RNF38: variants seen among roughly 807,000 people sequenced by gnomAD.
RNF38 encodes the protein E3 ubiquitin-protein ligase RNF38.
In RNF38, 15 loss-of-function variants were observed where a neutral mutation model predicts 67.2. The ratio of observed to expected loss-of-function variants is 0.22; its 90% confidence interval spans 0.15 to 0.34. The LOEUF (loss-of-function observed/expected upper bound fraction) is 0.34, where lower values mean the gene tolerates loss of function less well. RNF38 is among the 10% of genes least tolerant of loss of function. The pLI is 1.00. For missense variants in RNF38, 524 were observed against 639.9 expected, an observed-to-expected ratio of 0.82 and a Z score of 1.95; for synonymous variants, 220 against 218.8, an observed-to-expected ratio of 1.01 and a Z score of -0.05.
intron 2 of RNF38, among the ~76,000 whole-genome samples, chr9:36,419,788 C>G (rs144491529): frequency 0.011 from 1,692 of 152,246 alleles, 28 homozygotes; most frequent in African/African-American, 0.038. Flanking sequence ...CGCCACTGCA[C>G]CCCAGCCTGG....
intron 4 of RNF38, among the ~76,000 whole-genome samples, chr9:36,366,202 T>C (rs1169809990): frequency 2.0e-5 from 3 of 152,164 alleles, no homozygotes; most frequent in Non-Finnish European, 4.4e-5. Context: ...ATTTTTAGTA[T>C]GCATTTCTAA....
intron 1 of RNF38, among the ~76,000 whole-genome samples, chr9:36,398,425 A>C (rs1451900916): frequency 6.6e-6 from 1 of 152,166 alleles, no homozygotes; most frequent in Non-Finnish European, 1.5e-5. Flanking sequence ...ATTAAAAAAA[A>C]ATTTTTTTAA....
In RNF38 at chr9:36,443,637, T is replaced by C. The variant is rs531347409; in HGVS notation, n.242-18954A>G. 3.3e-5 allele frequency among the ~76,000 whole-genome samples: 5 copies of C among 151,932 alleles called. No homozygotes were observed. In the East Asian group the frequency reaches 9.7e-4, roughly 29 times the overall value. On this transcript the variant is annotated intron_variant and non_coding_transcript_variant, in intron 1 of 3. Transcript: ENST00000488058. ...AATTATTTCAAGCCATCAAACCATATAGACCAGAAAGCAACAAAAAGAATG... is the reference window on the plus strand; with the variant it reads ...AATTATTTCAAGCCATCAAACCATACAGACCAGAAAGCAACAAAAAGAATG...
intron 2 of RNF38, among the ~76,000 whole-genome samples, chr9:36,379,411 T>G (rs1476087608): frequency 1.7e-4 from 26 of 152,128 alleles, no homozygotes; most frequent in Admixed American, 1.7e-3. Flanking sequence ...AACATCAGAC[T>G]TCCTATAGCA....
rs1202944722 is a variant in RNF38, at chr9:36,357,782, G to C, written c.731C>G (p.Pro244Arg). The C allele has an allele frequency of 1.2e-5, 19 of 1,613,036 alleles. No individual in the cohort carries two copies. The highest frequency in any genetic ancestry group is 1.6e-5 in the Non-Finnish European group (19 of 1,179,438). ...SGQHLPVCSV[P>R]PPMLQACSVQ... Reference sequence around the variant, plus strand: ...ACAAAGATAGAGACTTACTGGAGGAGGCACACTACAGACAGGGAGGTGCTG... The same window carrying C: ...ACAAAGATAGAGACTTACTGGAGGACGCACACTACAGACAGGGAGGTGCTG... Residue 244 changes from proline to arginine, a missense_variant, in exon 5 of 12, where the codon CCT becomes CGT. Pro to Arg is a moderately radical substitution (Grantham distance 103). Coordinates refer to ENST00000259605, the MANE Select transcript of RNF38 (RefSeq NM_022781.5).
intron 2 of RNF38, among the ~76,000 whole-genome samples, chr9:36,424,257 G>C (rs1838712761): frequency 6.6e-6 from 1 of 152,148 alleles, no homozygotes; most frequent in Non-Finnish European, 1.5e-5. Context: ...TAATGTCCAG[G>C]ATATTTCCAA....
Position 36,474,663 on chromosome 9 carries a change from G to T in RNF38, n.241+12645C>A, listed in dbSNP as rs541013864. 8.1e-5 allele frequency among the ~76,000 whole-genome samples: 12 copies of T among 148,234 alleles called. 3 individuals carry two copies. The South Asian group carries it at 2.7e-3, about 33-fold the overall frequency. On this transcript the variant is annotated intron_variant and non_coding_transcript_variant, in intron 1 of 3. Transcript: ENST00000488058. ...TAAGTATAATATGAGTCCCTTAGGG[G>T]ACTGCAGTGAGGATTAAATGAATTA...
intron 1 of RNF38, among the ~76,000 whole-genome samples, chr9:36,483,992 A>G (rs530911287): frequency 1.6e-4 from 24 of 152,296 alleles, no homozygotes; most frequent in African/African-American, 5.8e-4. Context: ...AAAGAGGTAA[A>G]GTATCACGTG....
rs1564068039 is a variant in RNF38, at chr9:36,451,502, T to TGTTTGTTTG, written n.242-26820_242-26819insCAAACAAAC. 4.3e-4 allele frequency among the ~76,000 whole-genome samples: 58 copies of TGTTTGTTTG among 136,032 alleles called. 1 individual carries two copies. Among genetic ancestry groups the TGTTTGTTTG allele is most frequent in the African/African-American group, 1.6e-3 (55 of 34,696 alleles). The allele number at this position is 136,032 out of a possible 152,430, so 89.2% of individuals were successfully genotyped here. ...AAAAAATTGTAGTAGTTTTTTTTTTTTTTTTTTTTTTTTTTGAGACGGAGT... is the reference window on the plus strand; with the variant it reads ...AAAAAATTGTAGTAGTTTTTTTTTTTGTTTGTTTGTTTTTTTTTTTTTTTGAGACGGAGT... On this transcript the variant is annotated intron_variant and non_coding_transcript_variant, in intron 1 of 3. Coordinates refer to the RNF38 transcript ENST00000488058.
At chr9:36,471,908 A>G (rs1338027544) in intron 1 of RNF38, among the ~76,000 whole-genome samples, 1 of 152,208 alleles carries the variant, frequency 6.6e-6, no homozygotes, top group African/African-American at 2.4e-5. Flanking sequence ...ATTCACTTTA[A>G]AAAGTCAAAT....
intron 1 of RNF38, among the ~76,000 whole-genome samples, chr9:36,433,437 A>T (rs1400727685): frequency 6.6e-6 from 1 of 151,920 alleles, no homozygotes; most frequent in African/African-American, 2.4e-5. Flanking sequence ...AAATTTAAAA[A>T]TTTTTAAAAA....
chr9:36,389,375 G>A (rs1234075027), intron 2 of RNF38, among the ~76,000 whole-genome samples: 1 of 151,408 alleles, frequency 6.6e-6, no homozygotes, highest in Admixed American at 6.6e-5. Flanking sequence ...TTTTATTGGT[G>A]GCAGTATTAA....
chr9:36,480,738 G>A (rs1247838536), intron 1 of RNF38, among the ~76,000 whole-genome samples: 4 of 151,312 alleles, frequency 2.6e-5, no homozygotes, highest in Non-Finnish European at 4.4e-5. Context: ...TTTTAGTAAA[G>A]ACAGGGTTTC....
At chr9:36,450,498 A>T (rs999821898) in intron 1 of RNF38, among the ~76,000 whole-genome samples, 1 of 152,226 alleles carries the variant, frequency 6.6e-6, no homozygotes, top group Non-Finnish European at 1.5e-5. Flanking sequence ...TATAATAACT[A>T]AACTCATGCA....
At position 36,369,728 on chromosome 9, in the gene RNF38, T is replaced by C. The variant is rs760109205; in HGVS notation, c.561A>G (p.Ile187Met). 6.2e-7 allele frequency: 1 copy of C among 1,610,076 alleles called. No homozygotes were observed. ...PPQQNAVMVD[I>M]HDQLHQGTVP... is the part of the protein sequence containing the mutation. ...CATTCTGTTATTGTACCTGATCATG[T>C]ATGTCAACCATGACTGCATTCTGCT... is the stretch of plus-strand genomic sequence containing the variant. Residue 187 changes from isoleucine to methionine, a missense_variant, in exon 4 of 12, where the codon ATA becomes ATG. Around this residue, in one of 2 missense-constraint regions of RNF38, gnomAD observed 461 missense variants for 517.4 expected, o/e 0.89. Coordinates refer to ENST00000259605, the MANE Select transcript of RNF38 (RefSeq NM_022781.5).
chr9:36,337,987 G>A lies in RNF38; in HGVS notation c.*1765C>T, dbSNP rs539967314. The stretch of plus-strand genomic sequence containing the variant: ...ATGAGCTTATAGACACTTCAAGGGA[G>A]GGCAAGCAGCATGGCAGTAACAAGT... On this transcript the variant is annotated 3_prime_UTR_variant, in exon 12 of 12. Transcript: ENST00000259605. The A allele has an allele frequency of 1.3e-5, 2 of 152,710 alleles. No homozygotes were observed. Among genetic ancestry groups the A allele is most frequent in the African/African-American group, 4.8e-5 (2 of 41,538 alleles). The allele number at this position is 152,710 out of a possible 1,614,324, so 9.5% of individuals were successfully genotyped here.
At chr9:36,410,844 C>G (rs1052650037) in intron 2 of RNF38, among the ~76,000 whole-genome samples, 8 of 152,126 alleles carry the variant, frequency 5.3e-5, no homozygotes, top group Non-Finnish European at 7.3e-5. Flanking sequence ...TGAAAGTAGT[C>G]TAGGAGTAGA....
intron 1 of RNF38, among the ~76,000 whole-genome samples, chr9:36,392,287 C>A (rs1010946055): frequency 6.6e-6 from 1 of 152,158 alleles, no homozygotes; most frequent in African/African-American, 2.4e-5. Context: ...CACTTGAAAG[C>A]AGAAACTTTA....
intron 2 of RNF38, among the ~76,000 whole-genome samples, chr9:36,378,665 A>C (rs1835968352): frequency 6.6e-6 from 1 of 152,188 alleles, no homozygotes; most frequent in Non-Finnish European, 1.5e-5. Flanking sequence ...AGGTCAAATG[A>C]CCAGAGAAAG....
Sources: allele counts gnomAD v4.1 joint callset (sites outside exome capture counted in the v4.1 genomes callset), GRCh38; gene constraint gnomAD v4.1.1; regional missense constraint gnomAD v4.1.1; transcripts MANE v1.5; gene names NCBI Gene and HGNC (gene_info 2026-07-23, HGNC 2026-07-21).